ATG2A: variants seen among roughly 807,000 people sequenced by gnomAD.
ATG2A encodes autophagy-related protein 2 homolog A.
A neutral mutation model predicts 214.2 loss-of-function variants in ATG2A; 103 were observed. The observed-to-expected ratio is 0.48, with a 90% CI of 0.41 to 0.57. ATG2A has a LOEUF of 0.57. Among genes scored for constraint, ATG2A ranks in the 20% least tolerant of loss-of-function variants. The probability of loss-of-function intolerance (pLI) is 0.00; values close to 1 mark genes in which losing one functional copy is unlikely to be tolerated. For synonymous variants in ATG2A, 1,160 were observed against 1,142.1 expected (o/e 1.02, Z -0.32); for missense variants, 2,312 against 2,613.2 (o/e 0.88, Z 2.51).
Position 64,917,202 on chromosome 11 carries a change from T to A in ATG2A, c.-67A>T, listed in dbSNP as rs1376774518. 8.7e-6 allele frequency: 13 copies of A among 1,486,120 alleles called. No homozygotes were observed. Among genetic ancestry groups the A allele is most frequent in the Non-Finnish European group, 1.2e-5 (13 of 1,110,830 alleles). 92.1% of individuals were successfully genotyped at this position (1,486,120 alleles called of 1,614,324 possible). ...GCCGGCGATCCCCGTCCGGCTCCGC[T>A]GTTCACTAGAGCCCCCGGCTCGCCC... On this transcript the variant is annotated 5_prime_UTR_variant, in exon 1 of 41. Transcript: ENST00000377264.
Position 64,897,506 on chromosome 11 carries a change from AG to A in ATG2A, c.5068-13del. 5 of 1,583,180 alleles carry A rather than the reference AG, an allele frequency of 3.2e-6. No homozygotes were observed. Among genetic ancestry groups the A allele is most frequent in the Non-Finnish European group, 4.3e-6 (5 of 1,164,612 alleles). ...CCAGCAAAAGTGCCCTGGGAGAGGG[AG>A]GGGGTCCAGGTTTACCCAATGGGAC... On this transcript the variant is annotated splice_polypyrimidine_tract_variant and intron_variant, in intron 36 of 40. Transcript: ENST00000377264.
intron 31 of ATG2A, 38 bp downstream of exon 31, chr11:64,900,456 G>C: frequency 1.9e-6 from 3 of 1,612,134 alleles, no homozygotes. Context: ...GTTGTTCTAT[G>C]ACACACACGT....
intron 29 of ATG2A, 74 bp downstream of exon 29, chr11:64,901,888 C>T: frequency 6.5e-7 from 1 of 1,550,380 alleles, no homozygotes; most frequent in South Asian, 1.1e-5. Context: ...CAGGCAACCA[C>T]CCCTGAGTGT....
Position 64,906,397 on chromosome 11 carries a change from G to A in ATG2A, c.3120C>T (p.Gly1040=), listed in dbSNP as rs116874054. Residue 1040 remains glycine (G), a synonymous_variant, in exon 21 of 41, where the codon GGC becomes GGT. Coordinates refer to ENST00000377264, the MANE Select transcript of ATG2A (RefSeq NM_015104.3). ...CAGTGGACAACATGTGGGGTCCCCG[G>A]CCCTGGCCCTTGCGGCCCGAGGCTC... ...ERGASGRKGQ[G]RGPHMLSTAV... is the part of the protein sequence containing the mutation. The A allele has an allele frequency of 1.1e-3, 1,705 of 1,613,288 alleles. 21 individuals are homozygous for A. In the East Asian group the frequency reaches 0.031, roughly 29 times the overall value.
Position 64,912,836 on chromosome 11 carries a change from A to AC in ATG2A, c.825+201dup, listed in dbSNP as rs539578506. Reference sequence around the variant, plus strand: ...TCGAACTCCTGACCTCAGATGATCCACCCACCTTGGCCTCCCAAAGTGCTG... The same window carrying AC: ...TCGAACTCCTGACCTCAGATGATCCACCCCACCTTGGCCTCCCAAAGTGCTG... On this transcript the variant is annotated intron_variant, in intron 6 of 40. Coordinates refer to ENST00000377264, the MANE Select transcript of ATG2A (RefSeq NM_015104.3). 4.7e-4 allele frequency: 249 copies of AC among 532,470 alleles called. 5 individuals are homozygous for AC. Among genetic ancestry groups the AC allele is most frequent in the South Asian group, 3.8e-3 (160 of 41,834 alleles). The allele number at this position is 532,470 out of a possible 1,614,324, so 33.0% of individuals were successfully genotyped here.
At chr11:64,908,659 G>A (rs1315348997) in intron 16 of ATG2A, among the ~76,000 whole-genome samples, 1 of 151,890 alleles carries the variant, frequency 6.6e-6, no homozygotes, top group Non-Finnish European at 1.5e-5. Context: ...TCCCCAGGGT[G>A]ATGACACAGT....
Position 64,906,821 on chromosome 11 carries a change from G to A in ATG2A, c.2833-6C>T, listed in dbSNP as rs1851789596. 5.0e-6 allele frequency: 8 copies of A among 1,611,830 alleles called. No homozygotes were observed. The highest frequency in any genetic ancestry group is 4.4e-5 in the South Asian group (4 of 90,876). On this transcript the variant is annotated splice_polypyrimidine_tract_variant and splice_region_variant and intron_variant, in intron 19 of 40. Coordinates refer to ENST00000377264, the MANE Select transcript of ATG2A (RefSeq NM_015104.3). ...AGCCGCTTCCCACCCTCATCCTGCA[G>A]AAGGAGCACACAGCCTGGCTTCCCC...
chr11:64,907,924 C>A, intron 16 of ATG2A, 34 bp from the exon 17 acceptor site: 1 of 1,598,362 alleles, frequency 6.3e-7, no homozygotes, highest in South Asian at 1.1e-5. Flanking sequence ...GCAGGAGAGT[C>A]ATCTTAGAGA....
In ATG2A at chr11:64,898,329, T is replaced by C. The variant is rs553911523; in HGVS notation, c.4705A>G (p.Thr1569Ala). 188 of 1,609,812 alleles carry C rather than the reference T, an allele frequency of 1.2e-4. No homozygotes were observed. Among genetic ancestry groups the C allele is most frequent in the Middle Eastern group, 9.0e-4 (5 of 5,532 alleles). Reference sequence around the variant, plus strand: ...CAGCACTCAGGCCCACCCAGGTTGGTAGTGGGGGCCACATGCAGCGCTTTG... The same window carrying C: ...CAGCACTCAGGCCCACCCAGGTTGGCAGTGGGGGCCACATGCAGCGCTTTG... The part of the protein sequence containing the change: ...TIKALHVAPT[T>A]NLGGPECCLR... The change falls in exon 33 of 41, where the codon ACC becomes GCC. Residue 1569 changes from threonine to alanine, a missense_variant. Physicochemically the swap from Thr to Ala is moderately conservative, Grantham distance 58 (BLOSUM62 0). Coordinates refer to ENST00000377264, the MANE Select transcript of ATG2A (RefSeq NM_015104.3). The surrounding 1 kb of genome is among the most constrained non-coding windows in gnomAD (Gnocchi z 4.5).
chr11:64,913,714 A>G lies in ATG2A; in HGVS notation c.590+107T>C, dbSNP rs1265315402. 1.7e-6 allele frequency: 2 copies of G among 1,172,124 alleles called. No individual in the cohort carries two copies. The highest frequency in any genetic ancestry group is 1.5e-5 in the African/African-American group (1 of 66,010). The allele number at this position is 1,172,124 out of a possible 1,614,324, so 72.6% of individuals were successfully genotyped here. On this transcript the variant is annotated intron_variant, in intron 4 of 40. Transcript: ENST00000377264. This position sits in a 1 kb window ranked among gnomAD's most constrained non-coding sequence, Gnocchi z 4.3. ...ACCCTACCACCACCGAGGCCCATCC[A>G]GATCCACCCTGCCTCTTCCCAGGAA...
In ATG2A at chr11:64,902,555, T is replaced by C; in HGVS notation, c.3738A>G (p.Pro1246=). ...YVMSTGDLHP[P]PRPPSPTEIA... ...TCTCCGTGGGGCTGGGGGGCCGGGG[T>C]GGGGGGTGCAGATCGCCTGTGCTCA... Residue 1246 remains proline (P), a synonymous_variant, in exon 27 of 41, where the codon CCA becomes CCG. Transcript: ENST00000377264. 1.6e-6 allele frequency: 1 copy of C among 614,370 alleles called. No homozygotes were observed. Among genetic ancestry groups the C allele is most frequent in the Non-Finnish European group, 2.8e-6 (1 of 352,360 alleles). 38.1% of individuals were successfully genotyped at this position (614,370 alleles called of 1,614,324 possible). A position where few individuals can be genotyped will look rare whatever the true frequency, so the allele number is the denominator to read the frequency against.
chr11:64,897,024 CTTT>C lies in ATG2A; in HGVS notation c.5151-158_5151-156del, dbSNP rs879757149. 2.4e-3 allele frequency: 2,111 copies of C among 886,628 alleles called. 1 individual carries two copies. The highest frequency in any genetic ancestry group is 2.9e-3 in the South Asian group (149 of 52,036). The allele number at this position is 886,628 out of a possible 1,614,324, so 54.9% of individuals were successfully genotyped here. Reference sequence around the variant, plus strand: ...CAGTCATGTGCAGAGGGACTGTGTCCTTTTTTTTTTTTTTTAGATGGAGTCTTG... The same window carrying C: ...CAGTCATGTGCAGAGGGACTGTGTCCTTTTTTTTTTTTAGATGGAGTCTTG... On this transcript the variant is annotated intron_variant, in intron 37 of 40. Coordinates refer to ENST00000377264, the MANE Select transcript of ATG2A (RefSeq NM_015104.3).
At position 64,902,054 on chromosome 11, in the gene ATG2A, C is replaced by T; in HGVS notation, c.4027G>A (p.Glu1343Lys). Residue 1343 changes from glutamate (E) to lysine (K), a missense_variant, in exon 29 of 41, where the codon GAG becomes AAG. Transcript: ENST00000377264. ...PAGSLGSCSE[E>K]KEDEREEEGD... ...TCCTCTTCCCTTTCATCTTCCTTCT[C>T]CTCTGAGCATGACCCTAAGCTGCCA... is the stretch of plus-strand genomic sequence containing the variant. 1.9e-6 allele frequency: 3 copies of T among 1,614,060 alleles called. No individual in the cohort carries two copies. Among genetic ancestry groups the T allele is most frequent in the Non-Finnish European group, 2.5e-6 (3 of 1,180,036 alleles).
At chr11:64,906,001 T>G in intron 22 of ATG2A, 112 bp downstream of exon 22, 1 of 1,412,364 alleles carries the variant, frequency 7.1e-7, no homozygotes, top group Non-Finnish European at 9.7e-7. Flanking sequence ...CAAGGTCAGC[T>G]GTGGCCCAGT....
chr11:64,898,184 G>T lies in ATG2A; in HGVS notation c.4774-14C>A, dbSNP rs1243671368. 1 of 1,613,960 alleles carries T rather than the reference G, an allele frequency of 6.2e-7. No homozygotes were observed. The highest frequency in any genetic ancestry group is 8.5e-7 in the Non-Finnish European group (1 of 1,179,916). ...GAAGAGGGCATCCTGCAAGGGAGAG[G>T]TCCAGATGTGGATCAGACTCAGAGG... On this transcript the variant is annotated splice_polypyrimidine_tract_variant and intron_variant, in intron 33 of 40. Coordinates refer to ENST00000377264, the MANE Select transcript of ATG2A (RefSeq NM_015104.3). The surrounding 1 kb of genome is among the most constrained non-coding windows in gnomAD (Gnocchi z 4.5).
intron 14 of ATG2A, 41 bp downstream of exon 14, chr11:64,909,640 C>T: frequency 6.3e-7 from 1 of 1,599,324 alleles, no homozygotes; most frequent in African/African-American, 1.3e-5. Context: ...TCCCAGAAGC[C>T]AGGCCTCTTG....
Position 64,905,786 on chromosome 11 carries a change from G to A in ATG2A, c.3327C>T (p.Ile1109=). 1.9e-6 allele frequency: 3 copies of A among 1,613,900 alleles called. No homozygotes were observed. Among genetic ancestry groups the A allele is most frequent in the Non-Finnish European group, 2.5e-6 (3 of 1,180,012 alleles). ...AGAACAGGTGTGTGTGCAGGATGGT[G>A]ATGACCGTCGGGGGCAGGTAGCCCA... The part of the protein sequence containing the change: ...PVLGYLPPTV[I]TILHTHLFSC... Residue 1109 remains isoleucine, a synonymous_variant, in exon 23 of 41, where the codon ATC becomes ATT. Coordinates refer to ENST00000377264, the MANE Select transcript of ATG2A (RefSeq NM_015104.3).
Position 64,898,551 on chromosome 11 carries a change from T to C in ATG2A, c.4671+85A>G. 1.3e-6 allele frequency: 2 copies of C among 1,497,124 alleles called. No individual in the cohort carries two copies. The highest frequency in any genetic ancestry group is 2.3e-5 in the South Asian group (2 of 85,876). The allele number at this position is 1,497,124 out of a possible 1,614,324, so 92.7% of individuals were successfully genotyped here. ...GGGTGTTTGTGTGGGAATGCGTGTA[T>C]GTGTGTGAATCCATGCATGCGTGAA... is the stretch of plus-strand genomic sequence containing the variant. On this transcript the variant is annotated intron_variant, in intron 32 of 40. Coordinates refer to ENST00000377264, the MANE Select transcript of ATG2A (RefSeq NM_015104.3). The surrounding 1 kb of genome is among the most constrained non-coding windows in gnomAD (Gnocchi z 4.5).
rs780242598 is a variant in ATG2A at position 64,897,383 on chromosome 11, GGA to G, written c.5150+27_5150+28del. 8 of 1,553,010 alleles carry G rather than the reference GGA, an allele frequency of 5.2e-6. No individual in the cohort carries two copies. The South Asian group carries it at 5.9e-5, about 12-fold the overall frequency. On this transcript the variant is annotated intron_variant, in intron 37 of 40. Transcript: ENST00000377264. ...GAACAGAAGGAAGATCAGGGACCCT[GGA>G]GAGAGGCTGGGGTGCTGGGGACTCA... is the stretch of plus-strand genomic sequence containing the variant.
Sources: allele counts gnomAD v4.1 joint callset (sites outside exome capture counted in the v4.1 genomes callset), GRCh38; gene constraint gnomAD v4.1.1; non-coding constraint Gnocchi (gnomAD v3.1); transcripts MANE v1.5; gene names NCBI Gene and HGNC (gene_info 2026-07-23, HGNC 2026-07-21).